The following GRM8 variants were observed in gnomAD, a reference collection of about 807,000 sequenced individuals.
GRM8 encodes the protein glutamate metabotropic receptor 8.
In GRM8, 47 loss-of-function variants were observed where a neutral mutation model predicts 87.2. The ratio of observed to expected loss-of-function variants is 0.54; its 90% confidence interval spans 0.43 to 0.69. GRM8 has a LOEUF of 0.69. Ranked by LOEUF, GRM8 falls within the 30% of genes least tolerant of loss-of-function variation. The pLI, the probability that GRM8 is intolerant of heterozygous loss-of-function variation, is 0.00. For missense variants in GRM8, 1,019 were observed against 1,139.2 expected (o/e 0.89, Z 1.52); for synonymous variants, 396 against 404.5 (o/e 0.98, Z 0.25).
intron 9 of GRM8, among the ~76,000 whole-genome samples, chr7:126,514,065 A>G (rs1405091736): frequency 1.3e-5 from 2 of 152,246 alleles, no homozygotes; most frequent in East Asian, 3.9e-4. Context: ...CTGCTTACCT[A>G]TTATATTGTC....
chr7:126,573,248 T>C (rs1160121841), intron 8 of GRM8, among the ~76,000 whole-genome samples: 1 of 152,176 alleles, frequency 6.6e-6, no homozygotes, highest in Admixed American at 6.5e-5. Context: ...AAAGAAAATT[T>C]TATTATTCTC....
intron 2 of GRM8, among the ~76,000 whole-genome samples, chr7:127,234,663 A>C (rs1184468347): frequency 6.6e-6 from 1 of 152,192 alleles, no homozygotes; most frequent in Non-Finnish European, 1.5e-5. Flanking sequence ...TAGAAATGGC[A>C]GTTCTCAGAC....
intron 3 of GRM8, among the ~76,000 whole-genome samples, chr7:126,948,897 C>A (rs1218370659): frequency 6.6e-6 from 1 of 152,204 alleles, no homozygotes; most frequent in Admixed American, 6.5e-5. Context: ...CAGTAAGATT[C>A]AACCACAGAT....
At chr7:127,188,244 C>T (rs1018259874) in intron 2 of GRM8, among the ~76,000 whole-genome samples, 2 of 152,146 alleles carry the variant, frequency 1.3e-5, no homozygotes, top group African/African-American at 2.4e-5. Context: ...TAATACATGG[C>T]CCAAGTCATA....
chr7:126,558,386 T>C (rs1423401339), intron 8 of GRM8, among the ~76,000 whole-genome samples: 2 of 152,184 alleles, frequency 1.3e-5, no homozygotes, highest in Admixed American at 1.3e-4. Flanking sequence ...TATACATGTA[T>C]ATATACACAT....
At chr7:126,761,110 A>G (rs1817547199) in intron 7 of GRM8, among the ~76,000 whole-genome samples, 2 of 152,082 alleles carry the variant, frequency 1.3e-5, no homozygotes, top group Non-Finnish European at 2.9e-5. Context: ...AGGAAAGAGA[A>G]TTGCTTGAAC....
chr7:126,978,344 CATTCAAGCATGA>C (rs752907072), intron 3 of GRM8, among the ~76,000 whole-genome samples: 18 of 152,148 alleles, frequency 1.2e-4, no homozygotes, highest in Middle Eastern at 3.2e-3. Flanking sequence ...AAACTGAGCA[CATTCAAGCATGA>C]CCTGAGATGT....
At chr7:126,827,641 A>G (rs1162230750) in intron 6 of GRM8, among the ~76,000 whole-genome samples, 1 of 152,202 alleles carries the variant, frequency 6.6e-6, no homozygotes, top group Non-Finnish European at 1.5e-5. Context: ...TTCTAGATAT[A>G]TAATCATGTC....
chr7:126,644,561 T>C (rs1802827318), intron 7 of GRM8, among the ~76,000 whole-genome samples: 1 of 152,204 alleles, frequency 6.6e-6, no homozygotes. Flanking sequence ...GTTTTCTGTG[T>C]ATAGCTCGCA....
intron 6 of GRM8, among the ~76,000 whole-genome samples, chr7:126,837,145 C>A (rs986434545): frequency 2.0e-5 from 3 of 152,064 alleles, no homozygotes; most frequent in African/African-American, 7.2e-5. Context: ...TCGGCATAGG[C>A]ATATCCAGAA....
chr7:126,997,797 C>A (rs2188186), intron 3 of GRM8, among the ~76,000 whole-genome samples: 26,855 of 151,566 alleles, frequency 0.18, 2,524 homozygotes, highest in East Asian at 0.26. Context: ...TAATGAAAAG[C>A]CTGCCAGTAA....
intron 6 of GRM8, among the ~76,000 whole-genome samples, chr7:126,879,983 A>G (rs142562618): frequency 8.5e-5 from 13 of 152,338 alleles, no homozygotes; most frequent in African/African-American, 3.1e-4. Flanking sequence ...GTCTAAAAAA[A>G]TAATTTGCCT....
In GRM8 at chr7:126,533,502, G is replaced by C; in HGVS notation, c.1880C>G (p.Thr627Arg). 6.2e-7 allele frequency: 1 copy of C among 1,614,066 alleles called. No homozygotes were observed. Among genetic ancestry groups the C allele is most frequent in the Non-Finnish European group, 8.5e-7 (1 of 1,180,000 alleles). ...SGRELSYVLL[T>R]GIFLCYSITF... The stretch of plus-strand genomic sequence containing the variant: ...GATTGAATAACAGAGAAAAATCCCC[G>C]TTAGGAGCACGTAACTAAGTTCGCG... The change falls in exon 9 of 11, where the codon ACG becomes AGG. Residue 627 changes from threonine to arginine, a missense_variant. Physicochemically the swap from Thr to Arg is moderately conservative, Grantham distance 71 (BLOSUM62 -1). Transcript: ENST00000339582.
chr7:126,593,466 T>C (rs1440921076), intron 8 of GRM8, among the ~76,000 whole-genome samples: 1 of 151,978 alleles, frequency 6.6e-6, no homozygotes, highest in South Asian at 2.1e-4. Context: ...AGCAAACTGA[T>C]TCAACAAAGG....
intron 3 of GRM8, among the ~76,000 whole-genome samples, chr7:126,930,106 G>A (rs1805606157): frequency 1.3e-5 from 2 of 152,094 alleles, no homozygotes; most frequent in Non-Finnish European, 2.9e-5. Context: ...GATTCTCATG[G>A]AGCAAAGCCC....
At position 127,171,890 on chromosome 7, in the gene GRM8, C is replaced by A. The variant is rs1793824032; in HGVS notation, c.511-65178G>T. On this transcript the variant is annotated intron_variant, in intron 2 of 10. Coordinates refer to ENST00000339582, the MANE Select transcript of GRM8 (RefSeq NM_000845.3). ...CTCCAGACACATGCAGTCTTGGACA[C>A]ACACATATGTGTTCCATAAGCAAGT... 2.6e-5 allele frequency among the ~76,000 whole-genome samples: 4 copies of A among 152,172 alleles called. No homozygotes were observed. In the South Asian group the frequency reaches 8.3e-4, roughly 32 times the overall value.
intron 6 of GRM8, among the ~76,000 whole-genome samples, chr7:126,861,937 T>A (rs1798173532): frequency 6.6e-6 from 1 of 151,930 alleles, no homozygotes; most frequent in African/African-American, 2.4e-5. Context: ...GTAGTTAAAT[T>A]GATCTGTCTT....
chr7:126,784,496 T>C (rs1585918767), intron 6 of GRM8, among the ~76,000 whole-genome samples: 1 of 152,154 alleles, frequency 6.6e-6, no homozygotes, highest in East Asian at 1.9e-4. Flanking sequence ...TGATTTATTT[T>C]TGCTCCCCAA....
chr7:126,866,985 A>T (rs1798654420), intron 6 of GRM8, among the ~76,000 whole-genome samples: 1 of 152,114 alleles, frequency 6.6e-6, no homozygotes, highest in African/African-American at 2.4e-5. Context: ...TGACAAGAAA[A>T]TGACATGATT....
Sources: allele counts gnomAD v4.1 joint callset (sites outside exome capture counted in the v4.1 genomes callset), GRCh38; gene constraint gnomAD v4.1.1; transcripts MANE v1.5; gene names NCBI Gene and HGNC (gene_info 2026-07-23, HGNC 2026-07-21).